Variants in ITGAM observed in about 807,000 individuals in gnomAD.
ITGAM encodes integrin subunit alpha M.
A neutral mutation model predicts 137.5 loss-of-function variants in ITGAM; 79 were observed. The observed-to-expected ratio is 0.57, with a 90% CI of 0.48 to 0.69. The LOEUF is 0.69. Ranked by LOEUF, ITGAM falls within the 30% of genes least tolerant of loss-of-function variation. ITGAM has a pLI of 0.00. For synonymous variants in ITGAM, 583 were observed against 592.3 expected, an observed-to-expected ratio of 0.98 and a Z score of 0.23; for missense variants, 1,343 against 1,483.5, an observed-to-expected ratio of 0.91 and a Z score of 1.56.
chr16:31,299,305 GT>G (rs1190882764), intron 14 of ITGAM, among the ~76,000 whole-genome samples: 1 of 151,936 alleles, frequency 6.6e-6, no homozygotes, highest in Non-Finnish European at 1.5e-5. Context: ...GAGTTTGGCT[GT>G]TTTATTTTTT....
intron 19 of ITGAM, 46 bp from the exon 20 acceptor site, chr16:31,325,217 G>A (rs745513924): frequency 1.9e-6 from 3 of 1,575,976 alleles, no homozygotes; most frequent in African/African-American, 1.3e-5. Context: ...CTTGCCACAG[G>A]GAAGCCCAGC....
intron 14 of ITGAM, among the ~76,000 whole-genome samples, chr16:31,299,125 C>T (rs1346387770): frequency 6.6e-6 from 1 of 152,054 alleles, no homozygotes; most frequent in Admixed American, 6.5e-5. Flanking sequence ...GAGACCTATC[C>T]TCTTAACAGA....
chr16:31,330,628 A>G, intron 28 of ITGAM, 23 bp downstream of exon 28: 4 of 1,553,722 alleles, frequency 2.6e-6, no homozygotes, highest in Non-Finnish European at 3.5e-6. Context: ...GGCGCTGAGG[A>G]ACTATTGGAG....
intron 14 of ITGAM, among the ~76,000 whole-genome samples, chr16:31,302,427 T>C (rs75466379): frequency 0.029 from 3,521 of 119,866 alleles, 84 homozygotes; most frequent in South Asian, 0.064. Flanking sequence ...TTTCTTTCTT[T>C]CTTCTTTCTT....
chr16:31,273,677 G>C, intron 8 of ITGAM, 159 bp downstream of exon 8: 1 of 660,560 alleles, frequency 1.5e-6, no homozygotes. Context: ...TCAATGCTGT[G>C]TAATAAACTA....
Position 31,265,409 on chromosome 16 carries a change from C to G in ITGAM, c.149C>G (p.Ala50Gly), listed in dbSNP as rs771140735. 6.3e-7 allele frequency: 1 copy of G among 1,599,752 alleles called. No homozygotes were observed. The highest frequency in any genetic ancestry group is 8.5e-7 in the Non-Finnish European group (1 of 1,172,550). Residue 50 changes from alanine to glycine, a missense_variant, in exon 3 of 30, where the codon GCC becomes GGC. Transcript: ENST00000544665. ...TCTCCCCACAGGGTGGTGGTTGGAG[C>G]CCCCCAGGAGATAGTGGCTGCCAAC... ...QLQGSRVVVGAPQEIVAANQR... is the reference protein window; with the variant it reads ...QLQGSRVVVGGPQEIVAANQR...
At chr16:31,319,823 T>TG (rs2080429702) in intron 14 of ITGAM, among the ~76,000 whole-genome samples, 1 of 151,952 alleles carries the variant, frequency 6.6e-6, no homozygotes, top group African/African-American at 2.4e-5. Context: ...TTGTACTTTT[T>TG]TTTTTTTGAG....
chr16:31,297,649 A>AG lies in ITGAM; in HGVS notation c.1497+1dup, dbSNP rs748829427. ...CCAGGTGTCCGTGTGCCCCTTGCCC[A>AG]GGGGGGTGAGTGGCAATGGGACCTG... On this transcript the variant is annotated frameshift_variant, in exon 13 of 30. Transcript: ENST00000544665. LOFTEE classifies it high-confidence loss of function. The AG allele has an allele frequency of 1.9e-6, 3 of 1,612,284 alleles. No homozygotes were observed. The highest frequency in any genetic ancestry group is 2.5e-6 in the Non-Finnish European group (3 of 1,179,458).
rs555196100 is a variant in ITGAM, at chr16:31,269,893, C to T, written c.428-1061C>T. ...CCTCTAGTCTTCTGTTGAGCCCCCT[C>T]ATCTGCCAAATCCAATGGGAATCCA... On this transcript the variant is annotated intron_variant, in intron 5 of 29. Transcript: ENST00000544665. Among the ~76,000 whole-genome samples the T allele has an allele frequency of 2.0e-5, 3 of 152,324 alleles. No individual in the cohort carries two copies. In the South Asian group the frequency reaches 6.2e-4, roughly 32 times the overall value.
chr16:31,313,405 C>T lies in ITGAM; in HGVS notation c.1708-7836C>T, dbSNP rs34287423. The stretch of plus-strand genomic sequence containing the variant: ...CTTGATCCCCACCCCTCAACAGGCT[C>T]CAGTGATGTTCCCCTCCCTGTGTCC... On this transcript the variant is annotated intron_variant, in intron 14 of 29. Transcript: ENST00000544665. Among the ~76,000 whole-genome samples, 355 of 151,934 alleles carry T rather than the reference C, an allele frequency of 2.3e-3. 4 individuals are homozygous for T. The highest frequency in any genetic ancestry group is 8.1e-3 in the African/African-American group (337 of 41,454).
intron 23 of ITGAM, 87 bp downstream of exon 23, chr16:31,328,317 T>G: frequency 1.0e-6 from 1 of 1,004,338 alleles, no homozygotes; most frequent in Non-Finnish European, 1.6e-6. Flanking sequence ...TCTGTGCATG[T>G]GTGTGTGTGT....
At chr16:31,264,555 G>T (rs2079742193) in intron 2 of ITGAM, among the ~76,000 whole-genome samples, 2 of 152,092 alleles carry the variant, frequency 1.3e-5, no homozygotes, top group African/African-American at 4.8e-5. Context: ...GAGGTGGAAG[G>T]ATTGTTTGAG....
chr16:31,266,664 T>C (rs2144264317), intron 5 of ITGAM, among the ~76,000 whole-genome samples: 1 of 152,122 alleles, frequency 6.6e-6, no homozygotes. Context: ...AAGTTATGAT[T>C]GCACCACTGT....
At chr16:31,327,755 A>C (rs1326393728) in intron 22 of ITGAM, among the ~76,000 whole-genome samples, 2 of 152,180 alleles carry the variant, frequency 1.3e-5, no homozygotes, top group African/African-American at 4.8e-5. Flanking sequence ...TGGCCTCAGC[A>C]TGAAATGCAG....
At position 31,329,358 on chromosome 16, in the gene ITGAM, G is replaced by A. The variant is rs1208464373; in HGVS notation, c.2868+55G>A. 3.1e-6 allele frequency: 4 copies of A among 1,280,858 alleles called. No homozygotes were observed. The East Asian group carries it at 7.1e-5, about 23-fold the overall frequency. The allele number at this position is 1,280,858 out of a possible 1,614,324, so 79.3% of individuals were successfully genotyped here. On this transcript the variant is annotated intron_variant, in intron 24 of 29. Transcript: ENST00000544665. ...AAGGAGGCTGGGGAGGAAAATCGAT[G>A]GTAGAAAATGCAGAAACAGGGATGG...
At position 31,271,072 on chromosome 16, in the gene ITGAM, G is replaced by A; in HGVS notation, c.546G>A (p.Lys182=). 6.4e-7 allele frequency: 1 copy of A among 1,571,736 alleles called. No homozygotes were observed. The highest frequency in any genetic ancestry group is 8.7e-7 in the Non-Finnish European group (1 of 1,154,502). Residue 182 remains lysine (K), a synonymous_variant, in exon 6 of 30, where the codon AAG becomes AAA. Coordinates refer to ENST00000544665, the MANE Select transcript of ITGAM (RefSeq NM_000632.4). ...FVSTVMEQLK[K]SKTLFSLMQY... Reference sequence around the variant, plus strand: ...CAACTGTGATGGAGCAATTAAAAAAGTCCAAAACCTTGGTGAGGGCCCAGG... The same window carrying A: ...CAACTGTGATGGAGCAATTAAAAAAATCCAAAACCTTGGTGAGGGCCCAGG...
Position 31,324,978 on chromosome 16 carries a change from T to G in ITGAM, c.2310T>G (p.Cys770Trp). The G allele has an allele frequency of 6.2e-7, 1 of 1,612,854 alleles. No homozygotes were observed. ...FTALFPFEKN[C>W]GNDNICQDDL... The stretch of plus-strand genomic sequence containing the variant: ...AAAAGTTTCCCTTTGAGAAGAATTG[T>G]GGCAATGACAACATCTGCCAGGATG... Residue 770 changes from cysteine (C) to tryptophan (W), a missense_variant, in exon 19 of 30, where the codon TGT (cysteine) becomes TGG (tryptophan). Transcript: ENST00000544665. This position sits in a 1 kb window ranked among gnomAD's most constrained non-coding sequence, Gnocchi z 4.5.
intron 12 of ITGAM, among the ~76,000 whole-genome samples, chr16:31,295,199 G>A (rs1304266299): frequency 6.6e-6 from 1 of 151,796 alleles, no homozygotes; most frequent in Non-Finnish European, 1.5e-5. Flanking sequence ...GGATTGCTTT[G>A]GCTATTTAGG....
intron 1 of ITGAM, among the ~76,000 whole-genome samples, chr16:31,261,200 T>G (rs921237837): frequency 7.9e-6 from 1 of 127,126 alleles, no homozygotes; most frequent in Admixed American, 7.4e-5. Flanking sequence ...GCTGCTATCT[T>G]TTTTTTTTTT....
Sources: gnomAD v4.1 joint callset for allele counts (sites outside exome capture counted in the v4.1 genomes callset) on GRCh38, gnomAD v4.1.1 for gene constraint, Gnocchi (gnomAD v3.1) non-coding constraint, MANE v1.5 for transcripts, NCBI Gene and HGNC (gene_info 2026-07-23, HGNC 2026-07-21) for gene names.